Variants in SMG7 observed in about 807,000 individuals in gnomAD.
The protein encoded by SMG7 is nonsense-mediated mRNA decay factor SMG7.
In SMG7, 34 loss-of-function variants were observed where a neutral mutation model predicts 148.2. That is an observed-to-expected ratio of 0.23 (90% confidence interval 0.17 to 0.31). The LOEUF is 0.31. Among genes scored for constraint, SMG7 ranks in the 10% least tolerant of loss-of-function variants. SMG7 has a pLI of 1.00. For missense variants in SMG7, 1,114 were observed against 1,408.4 expected, an observed-to-expected ratio of 0.79 and a Z score of 3.35; for synonymous variants, 492 against 515.1, an observed-to-expected ratio of 0.96 and a Z score of 0.61.
intron 1 of SMG7, among the ~76,000 whole-genome samples, chr1:183,506,617 T>G (rs1341772766): frequency 6.6e-6 from 1 of 150,656 alleles, no homozygotes; most frequent in Non-Finnish European, 1.5e-5. Flanking sequence ...ATGAAACAAG[T>G]GAACAAATTA....
intron 8 of SMG7, among the ~76,000 whole-genome samples, chr1:183,530,981 C>T (rs902476830): frequency 1.2e-4 from 18 of 152,050 alleles, no homozygotes; most frequent in African/African-American, 4.3e-4. Flanking sequence ...ATATATATTT[C>T]TGTATGTGAA....
chr1:183,505,944 T>C (rs1314844367), intron 1 of SMG7, among the ~76,000 whole-genome samples: 1 of 152,236 alleles, frequency 6.6e-6, no homozygotes, highest in Non-Finnish European at 1.5e-5. Context: ...GCTATGCTCT[T>C]GCTTTAAATT....
intron 1 of SMG7, among the ~76,000 whole-genome samples, chr1:183,495,713 C>G (rs146102013): frequency 0.012 from 1,803 of 152,128 alleles, 15 homozygotes; most frequent in Non-Finnish European, 0.018. Context: ...ACTAAAAATA[C>G]AAAAATTAGC....
intron 14 of SMG7, among the ~76,000 whole-genome samples, chr1:183,543,776 C>G (rs1257986343): frequency 2.0e-5 from 3 of 152,168 alleles, no homozygotes; most frequent in Non-Finnish European, 4.4e-5. Flanking sequence ...GACATCTACT[C>G]TCTGGCTCCA....
chr1:183,475,085 A>T (rs1316268368), intron 1 of SMG7, among the ~76,000 whole-genome samples: 1 of 152,262 alleles, frequency 6.6e-6, no homozygotes, highest in African/African-American at 2.4e-5. Flanking sequence ...TATAGCTGGT[A>T]TGTGGAAACT....
chr1:183,482,454 G>A (rs922842320), intron 1 of SMG7, among the ~76,000 whole-genome samples: 1 of 151,806 alleles, frequency 6.6e-6, no homozygotes, highest in Non-Finnish European at 1.5e-5. Context: ...AAAAAAAATA[G>A]CTATTTGGAA....
chr1:183,525,556 C>G (rs1170076854), intron 4 of SMG7, among the ~76,000 whole-genome samples: 2 of 151,956 alleles, frequency 1.3e-5, no homozygotes, highest in African/African-American at 4.8e-5. Context: ...TGTTTTAGCT[C>G]TGTTTTGTTT....
At chr1:183,487,737 A>T (rs1296132662) in intron 1 of SMG7, among the ~76,000 whole-genome samples, 2 of 152,182 alleles carry the variant, frequency 1.3e-5, no homozygotes, top group Non-Finnish European at 2.9e-5. Context: ...TCACACTTAA[A>T]TGTGGGGTTG....
At chr1:183,516,880 T>G (rs1321124916) in intron 3 of SMG7, among the ~76,000 whole-genome samples, 1 of 152,188 alleles carries the variant, frequency 6.6e-6, no homozygotes, top group Non-Finnish European at 1.5e-5. Context: ...CCTCAGAAGC[T>G]GATGTTGATA....
chr1:183,526,478 T>C (rs910036903), intron 4 of SMG7, 118 bp from the exon 5 acceptor site: 1 of 637,380 alleles, frequency 1.6e-6, no homozygotes, highest in Non-Finnish European at 2.6e-6. Context: ...ATAATTTTCA[T>C]GCAGTTTTTG....
chr1:183,553,608 G>GTCCC lies in SMG7; in HGVS notation c.*1677_*1678insTCCC, dbSNP rs757787584. 3.9e-5 allele frequency: 5 copies of GTCCC among 128,298 alleles called. No individual in the cohort carries two copies. Among genetic ancestry groups the GTCCC allele is most frequent in the Non-Finnish European group, 8.4e-5 (5 of 59,304 alleles). 7.9% of individuals were successfully genotyped at this position (128,298 alleles called of 1,614,324 possible). ...TTGCTCTTCAGAGAGAGTGGTTGGA[G>GTCCC]CCCCCCCCGCCCCGTATGCTTACAT... is the stretch of plus-strand genomic sequence containing the variant. On this transcript the variant is annotated 3_prime_UTR_variant, in exon 23 of 23. Coordinates refer to ENST00000688051, the MANE Select transcript of SMG7 (RefSeq NM_001375584.1).
chr1:183,484,386 A>G (rs1293785140), intron 1 of SMG7, among the ~76,000 whole-genome samples: 2 of 149,068 alleles, frequency 1.3e-5, no homozygotes, highest in African/African-American at 2.5e-5. Flanking sequence ...TTGGTCTACA[A>G]TTGGTTGAAT....
intron 1 of SMG7, among the ~76,000 whole-genome samples, chr1:183,498,434 A>C (rs112484162): frequency 9.9e-5 from 15 of 152,228 alleles, no homozygotes; most frequent in African/African-American, 3.1e-4. Flanking sequence ...GTGGCTAAAG[A>C]AGGAGCCTAG....
Position 183,551,819 on chromosome 1 carries a change from C to T in SMG7, c.3452C>T (p.Ser1151Phe). ...SSAVLMESLK[S>F]IWSSSMMHPG... ...GACAAGATCTGGACTGTTTTTCAGT[C>T]TATCTGGTCCAGTTCCATGATGCAT... The change falls in exon 23 of 23, where the codon TCT (serine) becomes TTT (phenylalanine). Residue 1151 changes from serine to phenylalanine, a missense_variant and splice_region_variant. Ser to Phe is a radical substitution (Grantham distance 155, BLOSUM62 -2). This residue lies in a region of SMG7 where 788 missense variants were observed against 894.5 expected (regional missense o/e 0.88). Coordinates refer to ENST00000688051, the MANE Select transcript of SMG7 (RefSeq NM_001375584.1). 1 of 1,599,288 alleles carries T rather than the reference C, an allele frequency of 6.3e-7. No individual in the cohort carries two copies. The highest frequency in any genetic ancestry group is 8.5e-7 in the Non-Finnish European group (1 of 1,170,510).
At chr1:183,483,968 T>C (rs1654801303) in intron 1 of SMG7, among the ~76,000 whole-genome samples, 1 of 152,130 alleles carries the variant, frequency 6.6e-6, no homozygotes, top group African/African-American at 2.4e-5. Flanking sequence ...AGCCAAGGAG[T>C]TTGAATTAAG....
At chr1:183,474,583 TAAATAA>T (rs1358931990) in intron 1 of SMG7, among the ~76,000 whole-genome samples, 1 of 152,046 alleles carries the variant, frequency 6.6e-6, no homozygotes, top group Non-Finnish European at 1.5e-5. Flanking sequence ...AGTAAATACA[TAAATAA>T]AAATAAAAGA....
intron 1 of SMG7, among the ~76,000 whole-genome samples, chr1:183,509,988 T>C (rs1173222388): frequency 6.6e-6 from 1 of 152,218 alleles, no homozygotes; most frequent in African/African-American, 2.4e-5. Context: ...ATACCCCATA[T>C]AATCTTTGAC....
At chr1:183,476,633 A>T (rs918595440) in intron 1 of SMG7, among the ~76,000 whole-genome samples, 9 of 152,188 alleles carry the variant, frequency 5.9e-5, no homozygotes, top group Non-Finnish European at 1.3e-4. Flanking sequence ...TGTGGGAAAG[A>T]TGATGATATT....
intron 14 of SMG7, among the ~76,000 whole-genome samples, chr1:183,543,180 A>T (rs1330106417): frequency 6.6e-6 from 1 of 152,214 alleles, no homozygotes; most frequent in Middle Eastern, 3.4e-3. Flanking sequence ...AGATGGTTTC[A>T]TGTAAACAGA....
Sources: gnomAD v4.1 joint callset for allele counts (sites outside exome capture counted in the v4.1 genomes callset) on GRCh38, gnomAD v4.1.1 for gene constraint, gnomAD v4.1.1 regional missense constraint, MANE v1.5 for transcripts, NCBI Gene and HGNC (gene_info 2026-07-23, HGNC 2026-07-21) for gene names.